Variants in SDK2 observed in about 807,000 individuals in gnomAD.
SDK2 encodes the protein protein sidekick-2.
SDK2 carries 105 observed loss-of-function variants against 253.9 expected under a neutral mutation model. The observed-to-expected ratio is 0.41, with a 90% CI of 0.35 to 0.49. The LOEUF is 0.49. SDK2 is among the 20% of genes least tolerant of loss of function. The probability of loss-of-function intolerance (pLI) is 0.06; values close to 1 mark genes in which losing one functional copy is unlikely to be tolerated. For missense variants in SDK2, 2,608 were observed against 3,003.0 expected (o/e 0.87, Z 3.07); for synonymous variants, 1,249 against 1,234.9 (o/e 1.01, Z -0.24).
intron 29 of SDK2, 108 bp from the exon 30 acceptor site, chr17:73,388,145 T>A (rs113696310): frequency 7.9e-6 from 6 of 759,196 alleles, no homozygotes; most frequent in African/African-American, 5.2e-5. Context: ...AGGCCTGGCA[T>A]CCCCTTCCCA....
At chr17:73,363,615 G>T (rs906463697) in intron 38 of SDK2, among the ~76,000 whole-genome samples, 2 of 152,184 alleles carry the variant, frequency 1.3e-5, no homozygotes, top group African/African-American at 4.8e-5. Flanking sequence ...GGGCTGTCCA[G>T]GCGGGGCCTT....
At chr17:73,487,962 T>C (rs11077683) in intron 2 of SDK2, among the ~76,000 whole-genome samples, 149,416 of 152,274 alleles carry the variant, frequency 0.98, 73,340 homozygotes, top group Non-Finnish European at 1. Context: ...AGACAAGGGA[T>C]AGAACCTTGT....
chr17:73,355,497 C>T (rs1416700509), intron 40 of SDK2, among the ~76,000 whole-genome samples: 1 of 151,892 alleles, frequency 6.6e-6, no homozygotes, highest in East Asian at 1.9e-4. Flanking sequence ...GCCACCAAGC[C>T]CAGCTATTTT....
intron 1 of SDK2, among the ~76,000 whole-genome samples, chr17:73,595,129 G>A (rs750489082): frequency 2.0e-5 from 3 of 152,158 alleles, no homozygotes; most frequent in Non-Finnish European, 2.9e-5. Context: ...GGCATTGGGT[G>A]GGCACTTGCT....
chr17:73,368,718 G>A (rs922969025), intron 36 of SDK2, 125 bp from the exon 37 acceptor site: 75 of 839,490 alleles, frequency 8.9e-5, no homozygotes, highest in Admixed American at 1.6e-4. Flanking sequence ...CAGCGGAGAA[G>A]TCTTTAAGAG....
At position 73,643,023 on chromosome 17, in the gene SDK2, C is replaced by T. The variant is rs1363384312; in HGVS notation, c.64+1002G>A. The T allele has an allele frequency of 4.6e-5, 7 of 152,266 alleles. No individual in the cohort carries two copies. The highest frequency in any genetic ancestry group is 3.9e-4 in the Admixed American group (6 of 15,288). The allele number at this position is 152,266 out of a possible 1,614,324, so 9.4% of individuals were successfully genotyped here. A position where few individuals can be genotyped will look rare whatever the true frequency, so the allele number is the denominator to read the frequency against. On this transcript the variant is annotated intron_variant, in intron 1 of 44. Coordinates refer to ENST00000392650, the MANE Select transcript of SDK2 (RefSeq NM_001144952.2). The surrounding 1 kb of genome is among the most constrained non-coding windows in gnomAD (Gnocchi z 6.9). ...CTGGAGCTCGGTCCAGGCTTCGTCT[C>T]CCTCCGCCCCCAGCAGGCGCCGCTC...
At chr17:73,393,536 A>G (rs200700910) in intron 27 of SDK2, 24 bp downstream of exon 27, 34 of 1,504,452 alleles carry the variant, frequency 2.3e-5, no homozygotes, top group Non-Finnish European at 2.8e-5. Flanking sequence ...AGCCTTCCCC[A>G]AGCTTGCTGG....
At chr17:73,345,710 T>TG (rs1270599748) in intron 44 of SDK2, among the ~76,000 whole-genome samples, 1 of 152,080 alleles carries the variant, frequency 6.6e-6, no homozygotes, top group African/African-American at 2.4e-5. Context: ...ATTTTGGGCT[T>TG]GTTGTCAGGG....
intron 1 of SDK2, among the ~76,000 whole-genome samples, chr17:73,635,873 G>A (rs2046323383): frequency 6.6e-6 from 1 of 151,660 alleles, no homozygotes; most frequent in Admixed American, 6.5e-5. Context: ...AGACAAGGAG[G>A]AGAGCAGAAG....
At chr17:73,536,995 A>G (rs1156569363) in intron 1 of SDK2, among the ~76,000 whole-genome samples, 1 of 152,094 alleles carries the variant, frequency 6.6e-6, no homozygotes, top group Non-Finnish European at 1.5e-5. Flanking sequence ...GAGGGGCAGG[A>G]GTGAGATCTG....
chr17:73,377,301 C>T (rs942833450), intron 36 of SDK2, among the ~76,000 whole-genome samples: 1 of 151,428 alleles, frequency 6.6e-6, no homozygotes, highest in African/African-American at 2.4e-5. Context: ...TCACTGCAAC[C>T]TCTGTCTCCT....
rs1165050325 is a variant in SDK2 at position 73,380,966 on chromosome 17, G to A, written c.4706-16C>T. On this transcript the variant is annotated splice_polypyrimidine_tract_variant and intron_variant, in intron 33 of 44. Transcript: ENST00000392650. ...GAGTACATGGCTATGGGGTGGGGGTGCCGGGGCGGGGGCGCAGAGGGAGAC... is the reference window on the plus strand; with the variant it reads ...GAGTACATGGCTATGGGGTGGGGGTACCGGGGCGGGGGCGCAGAGGGAGAC... 3 of 1,381,382 alleles carry A rather than the reference G, an allele frequency of 2.2e-6. No homozygotes were observed. The highest frequency in any genetic ancestry group is 5.0e-5 in the East Asian group (2 of 40,266). The allele number at this position is 1,381,382 out of a possible 1,614,324, so 85.6% of individuals were successfully genotyped here.
At chr17:73,630,688 T>C (rs2046257547) in intron 1 of SDK2, among the ~76,000 whole-genome samples, 1 of 152,156 alleles carries the variant, frequency 6.6e-6, no homozygotes, top group Admixed American at 6.5e-5. Context: ...CAATAAGTCC[T>C]AACATTCCCG....
chr17:73,571,630 G>A (rs910939202), intron 1 of SDK2, among the ~76,000 whole-genome samples: 10 of 152,234 alleles, frequency 6.6e-5, no homozygotes, highest in Non-Finnish European at 1.5e-4. Flanking sequence ...ACTCATTAGG[G>A]CCGAGGAGCT....
chr17:73,401,285 A>ACTTCTCC, intron 20 of SDK2, 74 bp from the exon 21 acceptor site: 7 of 1,330,252 alleles, frequency 5.3e-6, no homozygotes, highest in Non-Finnish European at 7.2e-6. Flanking sequence ...TCCACTTCTC[A>ACTTCTCC]CTTCTCCACT....
At chr17:73,505,521 C>T (rs1293183782) in intron 2 of SDK2, among the ~76,000 whole-genome samples, 1 of 151,818 alleles carries the variant, frequency 6.6e-6, no homozygotes, top group Non-Finnish European at 1.5e-5. Flanking sequence ...ACCTCATCAT[C>T]GTCAATAGCT....
intron 1 of SDK2, among the ~76,000 whole-genome samples, chr17:73,543,954 A>G (rs2044913196): frequency 6.6e-6 from 1 of 152,216 alleles, no homozygotes; most frequent in Non-Finnish European, 1.5e-5. Flanking sequence ...GCAGAGGGAC[A>G]TCTAGGGGAC....
In SDK2 at chr17:73,415,801, C is replaced by T; in HGVS notation, c.2368+10G>A. 2 of 1,550,190 alleles carry T rather than the reference C, an allele frequency of 1.3e-6. No individual in the cohort carries two copies. Among genetic ancestry groups the T allele is most frequent in the Non-Finnish European group, 1.7e-6 (2 of 1,145,732 alleles). ...ACCGCGCCTGGTCTGAGACCACAGT[C>T]TCTACCTACCTCCCTGCAGCGTCCA... On this transcript the variant is annotated intron_variant, in intron 17 of 44. Coordinates refer to ENST00000392650, the MANE Select transcript of SDK2 (RefSeq NM_001144952.2).
At chr17:73,621,596 CT>C (rs1224919013) in intron 1 of SDK2, among the ~76,000 whole-genome samples, 1 of 151,308 alleles carries the variant, frequency 6.6e-6, no homozygotes, top group African/African-American at 2.4e-5. Context: ...ATAAATATAA[CT>C]TTTTTATACA....
Sources: gnomAD v4.1 joint callset for allele counts (sites outside exome capture counted in the v4.1 genomes callset) on GRCh38, gnomAD v4.1.1 for gene constraint, Gnocchi (gnomAD v3.1) non-coding constraint, MANE v1.5 for transcripts, NCBI Gene and HGNC (gene_info 2026-07-23, HGNC 2026-07-21) for gene names.